ST6GALNAC3: variants seen among roughly 807,000 people sequenced by gnomAD.
ST6GALNAC3 encodes alpha-N-acetylgalactosaminide alpha-2,6-sialyltransferase 3.
In ST6GALNAC3, 25 loss-of-function variants were observed where a neutral mutation model predicts 32.7. The ratio of observed to expected loss-of-function variants is 0.76; its 90% CI spans 0.56 to 1.07. The LOEUF is 1.07. ST6GALNAC3 is among the 50% of genes least tolerant of loss of function. The pLI is 0.00. For synonymous variants in ST6GALNAC3, 129 were observed against 133.1 expected (o/e 0.97, Z 0.21); for missense variants, 355 against 382.4 (o/e 0.93, Z 0.60).
At position 76,523,973 on chromosome 1, in the gene ST6GALNAC3, G is replaced by A. The variant is rs1009870422; in HGVS notation, c.624-103479G>A. Among the ~76,000 whole-genome samples the A allele has an allele frequency of 9.9e-5, 15 of 152,130 alleles. 1 individual carries two copies. The highest frequency in any genetic ancestry group is 8.5e-4 in the Admixed American group (13 of 15,256). The stretch of plus-strand genomic sequence containing the variant: ...TCTTCCAGAAAAAAATGCAGCTGAA[G>A]ATCATTATTACACCTGTCCAATAGC... On this transcript the variant is annotated intron_variant, in intron 3 of 4. Coordinates refer to ENST00000328299, the MANE Select transcript of ST6GALNAC3 (RefSeq NM_152996.4).
rs567897497 is a variant in ST6GALNAC3, at chr1:76,187,707, C to T, written c.18+112823C>T. ...AGTTATGCTGATCGAAGACTCTCTT[C>T]TCACTCTTTAGTTTCCCCACTCCAA... On this transcript the variant is annotated intron_variant, in intron 1 of 4. Transcript: ENST00000328299. 2.6e-4 allele frequency among the ~76,000 whole-genome samples: 39 copies of T among 152,184 alleles called. No individual in the cohort carries two copies. In the South Asian group the frequency reaches 8.1e-3, roughly 32 times the overall value.
intron 3 of ST6GALNAC3, among the ~76,000 whole-genome samples, chr1:76,609,187 A>C (rs1015564322): frequency 6.6e-6 from 1 of 152,178 alleles, no homozygotes; most frequent in African/African-American, 2.4e-5. Flanking sequence ...CACTATTTAT[A>C]AACAATTATT....
chr1:76,356,469 A>G (rs1649457619), intron 2 of ST6GALNAC3, among the ~76,000 whole-genome samples: 1 of 149,546 alleles, frequency 6.7e-6, no homozygotes, highest in African/African-American at 2.5e-5. Flanking sequence ...TAGAATTTAC[A>G]TGCCAGTGCA....
intron 2 of ST6GALNAC3, among the ~76,000 whole-genome samples, chr1:76,410,452 C>G (rs1051009359): frequency 2.6e-5 from 4 of 152,042 alleles, no homozygotes; most frequent in African/African-American, 9.7e-5. Flanking sequence ...CACACACACA[C>G]GTGCACACAC....
At chr1:76,158,092 G>C (rs912082573) in intron 1 of ST6GALNAC3, among the ~76,000 whole-genome samples, 1 of 152,176 alleles carries the variant, frequency 6.6e-6, no homozygotes, top group Non-Finnish European at 1.5e-5. Flanking sequence ...ATTTTCACTA[G>C]GTTGTCAAAA....
chr1:76,199,663 A>G (rs1360177504), intron 1 of ST6GALNAC3, among the ~76,000 whole-genome samples: 1 of 152,222 alleles, frequency 6.6e-6, no homozygotes, highest in Admixed American at 6.5e-5. Flanking sequence ...ACCATTTTGA[A>G]ATTGGGTCCT....
In ST6GALNAC3 at chr1:76,309,800, G is replaced by A. The variant is rs559931757; in HGVS notation, c.19-4005G>A. 3.9e-5 allele frequency among the ~76,000 whole-genome samples: 6 copies of A among 152,258 alleles called. No homozygotes were observed. In the South Asian group the frequency reaches 1.2e-3, roughly 32 times the overall value. On this transcript the variant is annotated intron_variant, in intron 1 of 4. Coordinates refer to ENST00000328299, the MANE Select transcript of ST6GALNAC3 (RefSeq NM_152996.4). ...CTCCCAGTGGCACACAGAGGAGAGG[G>A]TGTCTGGCTTCTGCTCTCTGGTTGC... is the stretch of plus-strand genomic sequence containing the variant.
At chr1:76,409,588 C>T (rs1377340751) in intron 2 of ST6GALNAC3, among the ~76,000 whole-genome samples, 8 of 152,002 alleles carry the variant, frequency 5.3e-5, no homozygotes, top group Non-Finnish European at 1.2e-4. Flanking sequence ...CAAATCGGTA[C>T]ATATGGTATA....
intron 1 of ST6GALNAC3, among the ~76,000 whole-genome samples, chr1:76,087,370 T>C (rs1324238888): frequency 6.6e-6 from 1 of 152,230 alleles, no homozygotes; most frequent in Non-Finnish European, 1.5e-5. Flanking sequence ...TCCCCACTTA[T>C]CTTCAGCAAA....
At chr1:76,543,830 C>T (rs769104782) in intron 3 of ST6GALNAC3, among the ~76,000 whole-genome samples, 1 of 152,138 alleles carries the variant, frequency 6.6e-6, no homozygotes, top group Non-Finnish European at 1.5e-5. Flanking sequence ...TTTCAAAAAC[C>T]TGGAAAACAA....
At chr1:76,184,753 G>T (rs554891581) in intron 1 of ST6GALNAC3, among the ~76,000 whole-genome samples, 2 of 152,274 alleles carry the variant, frequency 1.3e-5, no homozygotes, top group Admixed American at 1.3e-4. Flanking sequence ...GGGTATTGTG[G>T]CTGGACAGAG....
intron 3 of ST6GALNAC3, among the ~76,000 whole-genome samples, chr1:76,620,699 C>T (rs1285656777): frequency 3.3e-5 from 5 of 151,964 alleles, no homozygotes; most frequent in Non-Finnish European, 4.4e-5. Context: ...TAATTATCTC[C>T]CAAAGGCCCC....
chr1:76,500,629 T>C (rs986655498), intron 3 of ST6GALNAC3, among the ~76,000 whole-genome samples: 5 of 152,216 alleles, frequency 3.3e-5, no homozygotes, highest in African/African-American at 4.8e-5. Flanking sequence ...CCACAATAGG[T>C]ATACAAACTC....
At chr1:76,454,607 G>A (rs2101568821) in intron 3 of ST6GALNAC3, among the ~76,000 whole-genome samples, 1 of 152,164 alleles carries the variant, frequency 6.6e-6, no homozygotes, top group Admixed American at 6.5e-5. Flanking sequence ...CTGAAAATAG[G>A]GCCCAAATCC....
chr1:76,121,259 T>A (rs1648853627), intron 1 of ST6GALNAC3, among the ~76,000 whole-genome samples: 1 of 152,238 alleles, frequency 6.6e-6, no homozygotes. Flanking sequence ...TCACCCGTTG[T>A]TCTTTCATCC....
intron 3 of ST6GALNAC3, among the ~76,000 whole-genome samples, chr1:76,503,241 A>C (rs923384308): frequency 2.0e-5 from 3 of 152,188 alleles, no homozygotes; most frequent in African/African-American, 7.2e-5. Context: ...TCTTGCCTTC[A>C]CTTCTTTGTT....
chr1:76,440,275 TCAGAAAGG>T (rs1656478604), intron 3 of ST6GALNAC3, among the ~76,000 whole-genome samples: 1 of 152,210 alleles, frequency 6.6e-6, no homozygotes, highest in South Asian at 2.1e-4. Flanking sequence ...AGGTGCCAGA[TCAGAAAGG>T]GCATATGTGT....
chr1:76,301,192 T>A (rs1660707765), intron 1 of ST6GALNAC3, among the ~76,000 whole-genome samples: 1 of 152,062 alleles, frequency 6.6e-6, no homozygotes, highest in South Asian at 2.1e-4. Flanking sequence ...TTCTTGGGGC[T>A]TCAAAGTAAC....
chr1:76,274,262 A>G (rs182834947), intron 1 of ST6GALNAC3, among the ~76,000 whole-genome samples: 3 of 152,278 alleles, frequency 2.0e-5, no homozygotes, highest in African/African-American at 7.2e-5. Context: ...GAACCTTTCC[A>G]TCACATCTTA....
Sources: gnomAD v4.1 joint callset for allele counts (sites outside exome capture counted in the v4.1 genomes callset) on GRCh38, gnomAD v4.1.1 for gene constraint, MANE v1.5 for transcripts, NCBI Gene and HGNC (gene_info 2026-07-23, HGNC 2026-07-21) for gene names.